GLCCI1: variants seen among roughly 807,000 people sequenced by gnomAD.
The protein encoded by GLCCI1 is glucocorticoid induced 1.
A neutral mutation model predicts 52.2 loss-of-function variants in GLCCI1; 24 were observed. The observed-to-expected ratio is 0.46, with a 90% CI of 0.33 to 0.65. GLCCI1 has a LOEUF of 0.65. Among genes scored for constraint, GLCCI1 ranks in the 30% least tolerant of loss-of-function variants. GLCCI1 has a pLI of 0.02. For synonymous variants in GLCCI1, 310 were observed against 276.5 expected, an observed-to-expected ratio of 1.12 and a Z score of -1.20; for missense variants, 704 against 701.5, an observed-to-expected ratio of 1.00 and a Z score of -0.04.
chr7:8,082,317 TAAAG>T (rs1783013452), intron 6 of GLCCI1, among the ~76,000 whole-genome samples: 1 of 152,164 alleles, frequency 6.6e-6, no homozygotes, highest in South Asian at 2.1e-4. Context: ...TTAGAACTAT[TAAAG>T]AAAAATCACA....
chr7:8,007,989 T>C (rs1210569561), intron 2 of GLCCI1, among the ~76,000 whole-genome samples: 1 of 152,184 alleles, frequency 6.6e-6, no homozygotes. Flanking sequence ...AAATTATTTA[T>C]ATATTAATGG....
At chr7:8,059,152 C>T (rs553746406) in intron 4 of GLCCI1, among the ~76,000 whole-genome samples, 7 of 152,170 alleles carry the variant, frequency 4.6e-5, no homozygotes, top group African/African-American at 1.7e-4. Flanking sequence ...AGGTCAAACC[C>T]ATGTTGTTCG....
At chr7:8,066,093 T>C (rs1459283177) in intron 5 of GLCCI1, among the ~76,000 whole-genome samples, 3 of 152,186 alleles carry the variant, frequency 2.0e-5, no homozygotes, top group Admixed American at 2.0e-4. Context: ...TATTGTTCCA[T>C]TCAGGGATTC....
At chr7:8,071,435 A>T (rs1024337086) in intron 6 of GLCCI1, among the ~76,000 whole-genome samples, 2 of 152,154 alleles carry the variant, frequency 1.3e-5, no homozygotes, top group African/African-American at 4.8e-5. Flanking sequence ...TCCAGAGCGG[A>T]TGATGGTTAT....
chr7:8,083,371 T>C (rs111420042), intron 6 of GLCCI1, among the ~76,000 whole-genome samples: 1 of 151,258 alleles, frequency 6.6e-6, no homozygotes. Flanking sequence ...ATCAGATGTT[T>C]GGTTTTTTGT....
intron 5 of GLCCI1, among the ~76,000 whole-genome samples, chr7:8,065,686 T>C (rs569617071): frequency 2.0e-5 from 3 of 152,266 alleles, no homozygotes; most frequent in South Asian, 2.1e-4. Flanking sequence ...TTAGTTCTAT[T>C]TGATGAATCA....
At chr7:8,074,955 GGA>G (rs934635329) in intron 6 of GLCCI1, among the ~76,000 whole-genome samples, 3 of 152,122 alleles carry the variant, frequency 2.0e-5, no homozygotes, top group Non-Finnish European at 2.9e-5. Context: ...GACATGGAGG[GGA>G]GAGGGATAGC....
In GLCCI1 at chr7:7,969,136, A is replaced by T; in HGVS notation, c.-215A>T. 1 of 289,124 alleles carries T rather than the reference A, an allele frequency of 3.5e-6. No homozygotes were observed. Among genetic ancestry groups the T allele is most frequent in the Non-Finnish European group, 5.5e-6 (1 of 180,964 alleles). The allele number at this position is 289,124 out of a possible 1,614,324, so 17.9% of individuals were successfully genotyped here. On this transcript the variant is annotated 5_prime_UTR_variant, in exon 1 of 8. Coordinates refer to ENST00000223145, the MANE Select transcript of GLCCI1 (RefSeq NM_138426.4). The surrounding 1 kb of genome is among the most constrained non-coding windows in gnomAD (Gnocchi z 4.9). ...CCAGCCGGGCGGTTGCGGCCGTTGG[A>T]CGTTTGTTTTCGCAGCCTTCCCCTC...
At chr7:8,074,501 T>G (rs771415538) in intron 6 of GLCCI1, among the ~76,000 whole-genome samples, 1 of 152,048 alleles carries the variant, frequency 6.6e-6, no homozygotes, top group Non-Finnish European at 1.5e-5. Flanking sequence ...CTGGCCAACA[T>G]AGTGAAACCC....
At chr7:8,076,881 A>G (rs1161867692) in intron 6 of GLCCI1, among the ~76,000 whole-genome samples, 1 of 152,080 alleles carries the variant, frequency 6.6e-6, no homozygotes. Flanking sequence ...CCATTTTTTA[A>G]TGGATATATT....
chr7:8,044,107 G>GCTA (rs1782066213), intron 3 of GLCCI1, among the ~76,000 whole-genome samples: 2 of 151,944 alleles, frequency 1.3e-5, no homozygotes, highest in Non-Finnish European at 2.9e-5. Flanking sequence ...ACCATGCCTG[G>GCTA]CTAATTTTTT....
chr7:7,980,818 C>G, intron 1 of GLCCI1: 1 of 689,330 alleles, frequency 1.5e-6, no homozygotes, highest in Non-Finnish European at 2.7e-6. Context: ...ATAAATGAGA[C>G]CTTTGTTGAC....
At chr7:8,073,355 A>G (rs969644311) in intron 6 of GLCCI1, among the ~76,000 whole-genome samples, 44 of 152,156 alleles carry the variant, frequency 2.9e-4, no homozygotes, top group African/African-American at 1.0e-3. Context: ...GTTTGTGTCA[A>G]TTATCTAATA....
At chr7:8,057,816 A>C (rs1782432540) in intron 4 of GLCCI1, among the ~76,000 whole-genome samples, 1 of 152,180 alleles carries the variant, frequency 6.6e-6, no homozygotes. Flanking sequence ...CACTTGACTG[A>C]ACAAAGAATG....
At chr7:8,055,091 C>T (rs534466428) in intron 3 of GLCCI1, among the ~76,000 whole-genome samples, 2 of 152,192 alleles carry the variant, frequency 1.3e-5, no homozygotes, top group South Asian at 2.1e-4. Flanking sequence ...TAACTTTAAT[C>T]AGTAGGCATT....
intron 3 of GLCCI1, among the ~76,000 whole-genome samples, chr7:8,048,672 A>G (rs1266562552): frequency 2.0e-5 from 3 of 152,154 alleles, no homozygotes; most frequent in Non-Finnish European, 2.9e-5. Flanking sequence ...GAACCTCATA[A>G]GGTAACCTGT....
At chr7:8,028,607 A>G (rs1482942777) in intron 3 of GLCCI1, among the ~76,000 whole-genome samples, 1 of 152,106 alleles carries the variant, frequency 6.6e-6, no homozygotes. Flanking sequence ...AGAAATAATA[A>G]AGATCAGAGC....
chr7:8,007,444 T>C (rs555403478), intron 2 of GLCCI1, among the ~76,000 whole-genome samples: 11 of 152,342 alleles, frequency 7.2e-5, no homozygotes, highest in African/African-American at 2.6e-4. Flanking sequence ...TTTCTTCAGC[T>C]GTCTATTGCC....
intron 2 of GLCCI1, among the ~76,000 whole-genome samples, chr7:8,019,801 A>G (rs1781449222): frequency 6.6e-6 from 1 of 152,212 alleles, no homozygotes; most frequent in Admixed American, 6.5e-5. Context: ...CAGTAAAAAT[A>G]TAATACATAA....
Sources: allele counts gnomAD v4.1 joint callset (sites outside exome capture counted in the v4.1 genomes callset), GRCh38; gene constraint gnomAD v4.1.1; non-coding constraint Gnocchi (gnomAD v3.1); transcripts MANE v1.5; gene names NCBI Gene and HGNC (gene_info 2026-07-23, HGNC 2026-07-21).